Variants in HS6ST3 observed in about 807,000 individuals in gnomAD.
The protein encoded by HS6ST3 is heparan-sulfate 6-O-sulfotransferase 3.
HS6ST3 carries 12 observed loss-of-function variants against 36.7 expected under a neutral mutation model. The observed-to-expected ratio is 0.33, with a 90% CI of 0.21 to 0.53. HS6ST3 has a LOEUF of 0.53. HS6ST3 is among the 20% of genes least tolerant of loss of function. HS6ST3 has a pLI of 0.95. For synonymous variants in HS6ST3, 240 were observed against 257.5 expected (o/e 0.93, Z 0.65); for missense variants, 584 against 640.9 (o/e 0.91, Z 0.96).
intron 1 of HS6ST3, among the ~76,000 whole-genome samples, chr13:96,472,703 C>T (rs9513151): frequency 6.6e-6 from 1 of 151,920 alleles, no homozygotes; most frequent in Admixed American, 6.6e-5. Context: ...TCTAACACAG[C>T]ACCTGGCACT....
intron 1 of HS6ST3, among the ~76,000 whole-genome samples, chr13:96,415,210 A>G (rs1473424016): frequency 6.6e-6 from 1 of 152,142 alleles, no homozygotes; most frequent in Non-Finnish European, 1.5e-5. Flanking sequence ...TCCTGAGGGA[A>G]GTTGTCTGGG....
rs148667616 is a variant in HS6ST3, at chr13:96,574,572, G to A, written c.708-257918G>A. On this transcript the variant is annotated intron_variant, in intron 1 of 1. Transcript: ENST00000376705. ...AATGGCTGTGACATCACTGGAGCAG[G>A]TGCCTCCTCTTCCTGGTCCAGTTAC... 3.1e-3 allele frequency: 840 copies of A among 273,522 alleles called. 7 individuals are homozygous for A. Among genetic ancestry groups the A allele is most frequent in the African/African-American group, 0.018 (775 of 44,188 alleles). 16.9% of individuals were successfully genotyped at this position (273,522 alleles called of 1,614,324 possible).
intron 1 of HS6ST3, among the ~76,000 whole-genome samples, chr13:96,119,170 T>C (rs2139305159): frequency 6.6e-6 from 1 of 152,270 alleles, no homozygotes; most frequent in Non-Finnish European, 1.5e-5. Context: ...AATTACAGCA[T>C]ATAGGATAAA....
At chr13:96,106,659 A>G (rs1441920073) in intron 1 of HS6ST3, among the ~76,000 whole-genome samples, 1 of 152,234 alleles carries the variant, frequency 6.6e-6, no homozygotes, top group Non-Finnish European at 1.5e-5. Context: ...TTTTAACCAA[A>G]ATGAAGGCAG....
chr13:96,139,541 G>GAAAAAAAAAAAA (rs57777280), intron 1 of HS6ST3, among the ~76,000 whole-genome samples: 1 of 66,264 alleles, frequency 1.5e-5, no homozygotes, highest in African/African-American at 6.1e-5. Context: ...GTAAGATTCA[G>GAAAAAAAAAAAA]AAAAAAAAAA....
chr13:96,581,281 A>G (rs1231930235), intron 1 of HS6ST3, among the ~76,000 whole-genome samples: 1 of 149,992 alleles, frequency 6.7e-6, no homozygotes, highest in Non-Finnish European at 1.5e-5. Flanking sequence ...GTGCAGTGGC[A>G]TGATCTTGGC....
At chr13:96,224,879 C>A (rs898189755) in intron 1 of HS6ST3, among the ~76,000 whole-genome samples, 3 of 152,244 alleles carry the variant, frequency 2.0e-5, no homozygotes. Flanking sequence ...ACTTTGATTT[C>A]TTTTAGGCCA....
intron 1 of HS6ST3, among the ~76,000 whole-genome samples, chr13:96,538,719 C>T (rs2056165827): frequency 3.3e-5 from 5 of 152,240 alleles, no homozygotes; most frequent in Admixed American, 3.3e-4. Flanking sequence ...GCTGGGATTA[C>T]AGGCGTGAGC....
intron 1 of HS6ST3, among the ~76,000 whole-genome samples, chr13:96,726,435 A>G (rs563264666): frequency 1.6e-4 from 25 of 152,280 alleles, no homozygotes; most frequent in African/African-American, 5.3e-4. Context: ...TATGTCTTTC[A>G]TAGGATTGAT....
At chr13:96,354,436 C>T (rs1192898934) in intron 1 of HS6ST3, among the ~76,000 whole-genome samples, 1 of 152,032 alleles carries the variant, frequency 6.6e-6, no homozygotes, top group Non-Finnish European at 1.5e-5. Flanking sequence ...TAATTTCAAT[C>T]ATTATTTTCC....
intron 1 of HS6ST3, among the ~76,000 whole-genome samples, chr13:96,646,148 G>A (rs895380213): frequency 5.3e-5 from 8 of 152,008 alleles, no homozygotes; most frequent in African/African-American, 1.9e-4. Context: ...GCCATGTTAT[G>A]CATTGTGATT....
At chr13:96,711,116 C>T (rs1343112053) in intron 1 of HS6ST3, among the ~76,000 whole-genome samples, 2 of 152,168 alleles carry the variant, frequency 1.3e-5, no homozygotes, top group African/African-American at 4.8e-5. Context: ...AGGCAAGCAA[C>T]CTGTGTTTCT....
chr13:96,131,291 T>C (rs775116815), intron 1 of HS6ST3, among the ~76,000 whole-genome samples: 4 of 152,322 alleles, frequency 2.6e-5, no homozygotes, highest in Admixed American at 1.3e-4. Flanking sequence ...CTGCTTCCAT[T>C]TATTCTTTAG....
At chr13:96,757,904 A>G (rs1876872474) in intron 1 of HS6ST3, among the ~76,000 whole-genome samples, 1 of 152,102 alleles carries the variant, frequency 6.6e-6, no homozygotes, top group Non-Finnish European at 1.5e-5. Flanking sequence ...CTTGAAAAAT[A>G]TTAATTTGAA....
At chr13:96,352,114 T>C (rs1230088376) in intron 1 of HS6ST3, among the ~76,000 whole-genome samples, 1 of 152,234 alleles carries the variant, frequency 6.6e-6, no homozygotes, top group Non-Finnish European at 1.5e-5. Flanking sequence ...TCTATGTAAA[T>C]GAGTCTTTAA....
chr13:96,320,590 C>T (rs965013842), intron 1 of HS6ST3, among the ~76,000 whole-genome samples: 3 of 152,140 alleles, frequency 2.0e-5, no homozygotes, highest in African/African-American at 7.2e-5. Flanking sequence ...TGACACTCAC[C>T]ACAATGCTGA....
chr13:96,309,844 A>G (rs1048952760), intron 1 of HS6ST3, among the ~76,000 whole-genome samples: 3 of 152,312 alleles, frequency 2.0e-5, no homozygotes, highest in South Asian at 4.1e-4. Flanking sequence ...ATTTTTAACT[A>G]TAATAGGAAA....
chr13:96,694,161 T>A (rs1476274701), intron 1 of HS6ST3, among the ~76,000 whole-genome samples: 1 of 152,132 alleles, frequency 6.6e-6, no homozygotes, highest in Non-Finnish European at 1.5e-5. Flanking sequence ...CTGATCCTTT[T>A]TCTCCTCCCA....
chr13:96,404,992 TC>T (rs755067330), intron 1 of HS6ST3, among the ~76,000 whole-genome samples: 3 of 152,186 alleles, frequency 2.0e-5, no homozygotes, highest in Non-Finnish European at 4.4e-5. Flanking sequence ...GCACAAGTTC[TC>T]CCTTTGCCTG....
Sources: gnomAD v4.1 joint callset for allele counts (sites outside exome capture counted in the v4.1 genomes callset) on GRCh38, gnomAD v4.1.1 for gene constraint, MANE v1.5 for transcripts, NCBI Gene and HGNC (gene_info 2026-07-23, HGNC 2026-07-21) for gene names.